Variants in SPNS3 observed in about 807,000 individuals in gnomAD.
SPNS3 encodes the protein protein spinster homolog 3.
A neutral mutation model predicts 54.4 loss-of-function variants in SPNS3; 51 were observed. The ratio of observed to expected loss-of-function variants is 0.94; its 90% CI spans 0.75 to 1.18. The LOEUF (loss-of-function observed/expected upper bound fraction) is 1.18. Ranked by LOEUF, SPNS3 falls within the 50% of genes most tolerant of loss-of-function variation. SPNS3 has a pLI of 0.00. For synonymous variants in SPNS3, 309 were observed against 294.7 expected, an observed-to-expected ratio of 1.05 and a Z score of -0.50; for missense variants, 669 against 677.4, an observed-to-expected ratio of 0.99 and a Z score of 0.14.
At chr17:4,462,132 T>G (rs1414604078) in intron 8 of SPNS3, among the ~76,000 whole-genome samples, 2 of 404 alleles carry the variant, frequency 5.0e-3, no homozygotes, top group African/African-American at 0.01. Flanking sequence ...CATCCATCCA[T>G]CCATCCATCC....
At position 4,446,916 on chromosome 17, in the gene SPNS3, G is replaced by T; in HGVS notation, c.575G>T (p.Gly192Val). Residue 192 changes from glycine to valine, a missense_variant, in exon 5 of 12, where the codon GGG (glycine) becomes GTG (valine). Physicochemically the swap from Gly to Val is moderately radical, Grantham distance 109. Transcript: ENST00000355530. ...TGCAGTGGTCTGGGCTACGTGCTGG[G>T]GTCGGCTGTGACGATGCTGACTGGG... ...PVGSGLGYVL[G>V]SAVTMLTGNW... 1.2e-6 allele frequency: 2 copies of T among 1,614,082 alleles called. No homozygotes were observed. The highest frequency in any genetic ancestry group is 1.7e-6 in the Non-Finnish European group (2 of 1,180,018).
At chr17:4,444,154 T>C (rs574020389) in intron 2 of SPNS3, among the ~76,000 whole-genome samples, 2 of 152,116 alleles carry the variant, frequency 1.3e-5, no homozygotes, top group East Asian at 3.9e-4. Flanking sequence ...ATTTTACCTA[T>C]GTAGGAAAAC....
chr17:4,435,683 G>A lies in SPNS3; in HGVS notation c.199+1517G>A, dbSNP rs144191576. ...AACAGGCTGCTCGCAAACCTCACAC[G>A]TCCTGCCTTCCTTCTTGCAGGCTTC... On this transcript the variant is annotated intron_variant, in intron 1 of 11. Coordinates refer to ENST00000355530, the MANE Select transcript of SPNS3 (RefSeq NM_182538.5). 3.9e-5 allele frequency among the ~76,000 whole-genome samples: 6 copies of A among 152,124 alleles called. No individual in the cohort carries two copies. In the East Asian group the frequency reaches 5.8e-4, roughly 15 times the overall value.
At chr17:4,459,080 C>T (rs766918161) in intron 8 of SPNS3, among the ~76,000 whole-genome samples, 1 of 152,094 alleles carries the variant, frequency 6.6e-6, no homozygotes, top group Non-Finnish European at 1.5e-5. Context: ...TCTAGGCCTT[C>T]AAGGGCCAGC....
At chr17:4,452,308 C>G (rs547038481) in intron 7 of SPNS3, among the ~76,000 whole-genome samples, 45 of 152,188 alleles carry the variant, frequency 3.0e-4, no homozygotes, top group African/African-American at 1.0e-3. Flanking sequence ...ATCTGGAACT[C>G]CTCCCACCAC....
rs552206317 is a variant in SPNS3, at chr17:4,479,757, G to A, written c.1179+1120G>A. ...GAAAACAGACCTGGCTGTCAGCCCT[G>A]GTCCTGCCACTTATGGGCTGTGTGG... On this transcript the variant is annotated intron_variant, in intron 9 of 11. Coordinates refer to ENST00000355530, the MANE Select transcript of SPNS3 (RefSeq NM_182538.5). Among the ~76,000 whole-genome samples, 79 of 152,372 alleles carry A rather than the reference G, an allele frequency of 5.2e-4. 1 individual carries two copies. Among genetic ancestry groups the A allele is most frequent in the African/African-American group, 1.9e-3 (77 of 41,592 alleles).
At chr17:4,471,962 G>A (rs1045135898) in intron 8 of SPNS3, among the ~76,000 whole-genome samples, 6 of 151,954 alleles carry the variant, frequency 3.9e-5, no homozygotes, top group African/African-American at 9.7e-5. Flanking sequence ...GGGTTCAAGC[G>A]ATCCTCCTGC....
intron 8 of SPNS3, among the ~76,000 whole-genome samples, chr17:4,469,244 C>T (rs1971790312): frequency 6.6e-6 from 1 of 151,992 alleles, no homozygotes; most frequent in Non-Finnish European, 1.5e-5. Flanking sequence ...AGCCACCGTG[C>T]CCAGCTAATT....
At chr17:4,466,307 C>T (rs371661418) in intron 8 of SPNS3, among the ~76,000 whole-genome samples, 89 of 152,238 alleles carry the variant, frequency 5.8e-4, no homozygotes, top group African/African-American at 1.9e-3. Context: ...TTCGGAAGGC[C>T]GAGGTAGGCA....
intron 8 of SPNS3, among the ~76,000 whole-genome samples, chr17:4,458,633 CTTTCTTTCTTTCT>C (rs1971408039): frequency 7.8e-6 from 1 of 128,014 alleles, no homozygotes; most frequent in African/African-American, 2.9e-5. Flanking sequence ...TTCTTTCTTT[CTTTCTTTCTTTCT>C]TTCCTTCCTT....
At chr17:4,441,302 A>G (rs991006475) in intron 2 of SPNS3, among the ~76,000 whole-genome samples, 7 of 152,116 alleles carry the variant, frequency 4.6e-5, no homozygotes, top group Admixed American at 3.3e-4. Flanking sequence ...GCGGGAGAAT[A>G]GCTTGAGCCC....
chr17:4,436,413 A>G (rs1278058212), intron 1 of SPNS3, among the ~76,000 whole-genome samples: 1 of 152,104 alleles, frequency 6.6e-6, no homozygotes, highest in Non-Finnish European at 1.5e-5. Flanking sequence ...GGTAACATAG[A>G]AAAACCTTGT....
At position 4,439,787 on chromosome 17, in the gene SPNS3, T is replaced by C. The variant is rs1597300970; in HGVS notation, c.265+64T>C. Reference sequence around the variant, plus strand: ...TTCATGCTGGGGTGGGCTCTTTCTGTGGGTCATGTTCTGTGCCCAGCTCCA... The same window carrying C: ...TTCATGCTGGGGTGGGCTCTTTCTGCGGGTCATGTTCTGTGCCCAGCTCCA... On this transcript the variant is annotated intron_variant, in intron 2 of 11. Coordinates refer to ENST00000355530, the MANE Select transcript of SPNS3 (RefSeq NM_182538.5). 5.4e-6 allele frequency: 8 copies of C among 1,471,514 alleles called. No homozygotes were observed. The East Asian group carries it at 1.9e-4, about 35-fold the overall frequency. The allele number at this position is 1,471,514 out of a possible 1,614,324, so 91.2% of individuals were successfully genotyped here.
At chr17:4,466,539 C>CAA (rs71144202) in intron 8 of SPNS3, among the ~76,000 whole-genome samples, 3 of 104,966 alleles carry the variant, frequency 2.9e-5, no homozygotes, top group Admixed American at 1.1e-4. Flanking sequence ...GACTCTGTCT[C>CAA]AAAAAAAAAA....
chr17:4,485,863 C>A (rs1010332859), intron 9 of SPNS3, among the ~76,000 whole-genome samples: 11 of 152,250 alleles, frequency 7.2e-5, no homozygotes, highest in Non-Finnish European at 1.0e-4. Context: ...CTGGCATGCA[C>A]CCGCTCTTCG....
At chr17:4,475,508 A>AC (rs1249268028) in intron 8 of SPNS3, among the ~76,000 whole-genome samples, 8 of 151,828 alleles carry the variant, frequency 5.3e-5, no homozygotes, top group African/African-American at 1.2e-4. Flanking sequence ...GCATGTAGGG[A>AC]CCCCCCAACC....
chr17:4,463,123 G>T (rs1458207963), intron 8 of SPNS3, among the ~76,000 whole-genome samples: 1 of 152,014 alleles, frequency 6.6e-6, no homozygotes, highest in Non-Finnish European at 1.5e-5. Flanking sequence ...TACTGGCCGG[G>T]TGCAGTGGCT....
chr17:4,450,110 T>G (rs1971117764), intron 7 of SPNS3, among the ~76,000 whole-genome samples: 1 of 151,652 alleles, frequency 6.6e-6, no homozygotes, highest in Admixed American at 6.6e-5. Context: ...AGTCCCCTCC[T>G]CCTCTCTGAC....
At chr17:4,479,434 T>C (rs882847) in intron 9 of SPNS3, among the ~76,000 whole-genome samples, 44,749 of 152,180 alleles carry the variant, frequency 0.29, 7,673 homozygotes, top group South Asian at 0.4. Flanking sequence ...TGACACTGTC[T>C]TGACCACATG....
Sources: allele counts gnomAD v4.1 joint callset (sites outside exome capture counted in the v4.1 genomes callset), GRCh38; gene constraint gnomAD v4.1.1; transcripts MANE v1.5; gene names NCBI Gene and HGNC (gene_info 2026-07-23, HGNC 2026-07-21).